The following FAM107A variants were observed in gnomAD, a reference collection of about 807,000 sequenced individuals.
FAM107A encodes the protein family with sequence similarity 107 member A.
FAM107A carries 19 observed loss-of-function variants against 13.7 expected under a neutral mutation model. The ratio of observed to expected loss-of-function variants is 1.38; its 90% CI spans 0.97 to 2.03. FAM107A has a LOEUF of 2.03. Ranked by LOEUF, FAM107A falls within the 30% of genes most tolerant of loss-of-function variation. The probability of loss-of-function intolerance (pLI) is 0.00; values close to 1 mark genes in which losing one functional copy is unlikely to be tolerated. For synonymous variants in FAM107A, 82 were observed against 74.5 expected (o/e 1.10, Z -0.52); for missense variants, 203 against 184.4 (o/e 1.10, Z -0.58).
rs1272760254 is a variant in FAM107A at position 58,586,337 on chromosome 3, A to G, written c.79+521T>C. ...ACTGTGTGAGCGTGTTCTCACACAT[A>G]GGAAGAAAGCAATGTATGTCATAGA... On this transcript the variant is annotated intron_variant, in intron 1 of 3. Coordinates refer to the FAM107A transcript ENST00000447756. 1.3e-5 allele frequency among the ~76,000 whole-genome samples: 2 copies of G among 152,236 alleles called. 1 individual carries two copies. Among genetic ancestry groups the G allele is most frequent in the African/African-American group, 4.8e-5 (2 of 41,456 alleles).
chr3:58,580,134 G>A (rs943157891), upstream of FAM107A, among the ~76,000 whole-genome samples: 2 of 152,046 alleles, frequency 1.3e-5, no homozygotes, highest in African/African-American at 4.8e-5. Flanking sequence ...ACCCCAAGAC[G>A]AGATGCAGCC....
Position 58,606,448 on chromosome 3 carries a change from G to T in FAM107A, c.-69-17179C>A, listed in dbSNP as rs138822240. On this transcript the variant is annotated intron_variant, in intron 1 of 3. Transcript: ENST00000465970. ...ATTGTGTTCTTCCTAGAACACTTTC[G>T]CTGTCTTACTCTCTTGCTCTGCTGC... 7.2e-5 allele frequency among the ~76,000 whole-genome samples: 11 copies of T among 152,308 alleles called. No homozygotes were observed. In the South Asian group the frequency reaches 1.7e-3, roughly 23 times the overall value.
At chr3:58,600,918 G>A (rs2065748085) in intron 1 of FAM107A, among the ~76,000 whole-genome samples, 1 of 152,166 alleles carries the variant, frequency 6.6e-6, no homozygotes, top group Non-Finnish European at 1.5e-5. Flanking sequence ...GGGCACCAGA[G>A]CCATGCCCTG....
At chr3:58,610,142 A>T (rs1405298414) in intron 1 of FAM107A, among the ~76,000 whole-genome samples, 1 of 152,182 alleles carries the variant, frequency 6.6e-6, no homozygotes, top group African/African-American at 2.4e-5. Context: ...AACCACTTCC[A>T]TCTACCAGAT....
intron 1 of FAM107A, among the ~76,000 whole-genome samples, chr3:58,573,250 G>A (rs2063701551): frequency 6.6e-6 from 1 of 152,214 alleles, no homozygotes; most frequent in South Asian, 2.1e-4. Flanking sequence ...ACACCTATGA[G>A]GGGTGGGGTG....
chr3:58,572,975 T>A (rs544987609), intron 1 of FAM107A, among the ~76,000 whole-genome samples: 14 of 152,272 alleles, frequency 9.2e-5, no homozygotes, highest in South Asian at 4.2e-4. Flanking sequence ...CCCTGTCAAT[T>A]ATGAAGCCAG....
intron 1 of FAM107A, among the ~76,000 whole-genome samples, chr3:58,602,252 C>T (rs575961429): frequency 1.3e-5 from 2 of 152,116 alleles, no homozygotes; most frequent in Non-Finnish European, 2.9e-5. Context: ...AATGCACGCT[C>T]AAGCAACAAT....
At chr3:58,608,637 A>C (rs1051107686) in intron 1 of FAM107A, among the ~76,000 whole-genome samples, 1 of 152,102 alleles carries the variant, frequency 6.6e-6, no homozygotes, top group Non-Finnish European at 1.5e-5. Context: ...AGCTGGAAGA[A>C]ACCACCTAGT....
intron 1 of FAM107A, among the ~76,000 whole-genome samples, chr3:58,625,024 C>T (rs975144975): frequency 8.6e-5 from 12 of 139,772 alleles, no homozygotes; most frequent in African/African-American, 2.8e-4. Context: ...GTGGACAGAG[C>T]TATGGACCAG....
chr3:58,610,094 A>G (rs777803988), intron 1 of FAM107A, among the ~76,000 whole-genome samples: 35 of 152,202 alleles, frequency 2.3e-4, no homozygotes, highest in Non-Finnish European at 4.4e-4. Context: ...CAGCAGCTGA[A>G]TTACGTGCAG....
chr3:58,583,360 T>A (rs2065568849), intron 1 of FAM107A, among the ~76,000 whole-genome samples: 2 of 152,128 alleles, frequency 1.3e-5, no homozygotes. Flanking sequence ...CGGTGGCTCA[T>A]GCCTGTAATC....
intron 1 of FAM107A, among the ~76,000 whole-genome samples, chr3:58,571,416 C>T (rs2063682584): frequency 6.6e-6 from 1 of 151,808 alleles, no homozygotes; most frequent in Non-Finnish European, 1.5e-5. Context: ...TTCTCAGAAC[C>T]ATTTCTGTAA....
Position 58,569,761 on chromosome 3 carries a change from G to C in FAM107A, c.100C>G (p.Leu34Val), listed in dbSNP as rs200477209. 1 of 1,614,162 alleles carries C rather than the reference G, an allele frequency of 6.2e-7. No homozygotes were observed. The highest frequency in any genetic ancestry group is 8.5e-7 in the Non-Finnish European group (1 of 1,180,002). The change falls in exon 2 of 4, where the codon CTG (leucine) becomes GTG (valine). Residue 34 changes from leucine to valine, a missense_variant. Transcript: ENST00000360997. This position sits in a 1 kb window ranked among gnomAD's most constrained non-coding sequence, Gnocchi z 5.7. ...WNPELIKPKK[L>V]LNPVKASRSH... ...CGAGAGGCCTTCACGGGGTTCAGCAGCTTCTTGGGCTTGATGAGCTCCGGA... is the reference window on the plus strand; with the variant it reads ...CGAGAGGCCTTCACGGGGTTCAGCACCTTCTTGGGCTTGATGAGCTCCGGA...
rs373392182 is a variant in FAM107A, at chr3:58,569,898, T to C, written c.-5-33A>G. On this transcript the variant is annotated intron_variant, in intron 1 of 3. Coordinates refer to ENST00000360997, the MANE Select transcript of FAM107A (RefSeq NM_001076778.3). This position sits in a 1 kb window ranked among gnomAD's most constrained non-coding sequence, Gnocchi z 5.7. ...GATGGGCAGAGGAGTAGCTCAGAGC[T>C]GAGCCTATAATCTCACCCTGCCCCA... The C allele has an allele frequency of 7.6e-5, 121 of 1,599,158 alleles. No homozygotes were observed. Among genetic ancestry groups the C allele is most frequent in the Non-Finnish European group, 1.0e-4 (119 of 1,172,854 alleles).
intron 1 of FAM107A, among the ~76,000 whole-genome samples, chr3:58,621,792 G>A (rs919952574): frequency 3.3e-5 from 5 of 152,204 alleles, no homozygotes; most frequent in Non-Finnish European, 7.3e-5. Flanking sequence ...GCAGGGTGGT[G>A]GGGAGAACTT....
intron 1 of FAM107A, among the ~76,000 whole-genome samples, chr3:58,600,216 A>G (rs2065742438): frequency 1.3e-5 from 2 of 152,112 alleles, no homozygotes; most frequent in Admixed American, 1.3e-4. Flanking sequence ...CTGAGCATCT[A>G]CTATATAGAT....
intron 1 of FAM107A, among the ~76,000 whole-genome samples, chr3:58,616,565 A>ACACC (rs1553631044): frequency 6.9e-6 from 1 of 144,784 alleles, no homozygotes; most frequent in African/African-American, 2.6e-5. Context: ...ACACACACAC[A>ACACC]CACCACCACT....
chr3:58,592,492 C>T (rs572098906), intron 1 of FAM107A, among the ~76,000 whole-genome samples: 11 of 152,284 alleles, frequency 7.2e-5, no homozygotes, highest in Non-Finnish European at 1.3e-4. Context: ...AGGCCTTTCC[C>T]ACAGGGTCTG....
At chr3:58,615,066 A>G (rs1016109118) in intron 1 of FAM107A, among the ~76,000 whole-genome samples, 2 of 152,230 alleles carry the variant, frequency 1.3e-5, no homozygotes, top group African/African-American at 4.8e-5. Context: ...TTGCCCTCCC[A>G]AAGTGCTGAG....
Sources: gnomAD v4.1 joint callset for allele counts (sites outside exome capture counted in the v4.1 genomes callset) on GRCh38, gnomAD v4.1.1 for gene constraint, Gnocchi (gnomAD v3.1) non-coding constraint, MANE v1.5 for transcripts, NCBI Gene and HGNC (gene_info 2026-07-23, HGNC 2026-07-21) for gene names.